The following CEP97 variants were observed in gnomAD, a reference collection of about 807,000 sequenced individuals.
CEP97 encodes the protein centrosomal protein of 97 kDa.
CEP97 carries 43 observed loss-of-function variants against 73.1 expected under a neutral mutation model. The ratio of observed to expected loss-of-function variants is 0.59; its 90% CI spans 0.46 to 0.76. The LOEUF is 0.76. Ranked by LOEUF, CEP97 falls within the 30% of genes least tolerant of loss-of-function variation. CEP97 has a pLI of 0.00. For missense variants in CEP97, 939 were observed against 1,014.0 expected, an observed-to-expected ratio of 0.93 and a Z score of 1.00; for synonymous variants, 337 against 370.0, an observed-to-expected ratio of 0.91 and a Z score of 1.02.
chr3:101,728,002 A>G (rs1184573189), intron 3 of CEP97, among the ~76,000 whole-genome samples: 1 of 152,208 alleles, frequency 6.6e-6, no homozygotes, highest in Non-Finnish European at 1.5e-5. Context: ...TTATTGAGCC[A>G]TTAATGTATC....
rs887776849 is a variant in CEP97, at chr3:101,769,288, C to T, written c.*3737C>T. 2.7e-5 allele frequency: 4 copies of T among 150,940 alleles called. No individual in the cohort carries two copies. Among genetic ancestry groups the T allele is most frequent in the Non-Finnish European group, 5.9e-5 (4 of 67,866 alleles). 9.4% of individuals were successfully genotyped at this position (150,940 alleles called of 1,614,324 possible). A position where few individuals can be genotyped will look rare whatever the true frequency, so the allele number is the denominator to read the frequency against. On this transcript the variant is annotated 3_prime_UTR_variant, in exon 11 of 11. Transcript: ENST00000341893. ...AAAAATAGAATGAATATGATCATTTCTCCATCATAAAGGAAAGAAGAGACT... is the reference window on the plus strand; with the variant it reads ...AAAAATAGAATGAATATGATCATTTTTCCATCATAAAGGAAAGAAGAGACT...
At chr3:101,733,364 C>G (rs550452638) in intron 6 of CEP97, among the ~76,000 whole-genome samples, 1 of 152,020 alleles carries the variant, frequency 6.6e-6, no homozygotes, top group South Asian at 2.1e-4. Context: ...ATTTTATTTT[C>G]TATTTTATCA....
chr3:101,748,096 C>T (rs1287383260), intron 6 of CEP97, among the ~76,000 whole-genome samples: 3 of 134,242 alleles, frequency 2.2e-5, no homozygotes, highest in African/African-American at 8.6e-5. Context: ...AGTGCCATTG[C>T]ACTCCAGCCT....
chr3:101,738,011 CAA>C (rs770745532), intron 6 of CEP97, among the ~76,000 whole-genome samples: 32 of 44,220 alleles, frequency 7.2e-4, no homozygotes, highest in East Asian at 2.6e-3. Context: ...AAATGGAAAG[CAA>C]AAAAAAAAAA....
intron 2 of CEP97, 53 bp downstream of exon 2, chr3:101,726,789 A>C: frequency 7.6e-7 from 1 of 1,318,278 alleles, no homozygotes; most frequent in Admixed American, 2.4e-5. Context: ...ATTATTAAAC[A>C]AAACAATAAA....
At chr3:101,744,541 C>T (rs930722988) in intron 6 of CEP97, among the ~76,000 whole-genome samples, 1 of 151,100 alleles carries the variant, frequency 6.6e-6, no homozygotes, top group African/African-American at 2.4e-5. Flanking sequence ...TGAGATTGCA[C>T]CATTGCACTC....
intron 6 of CEP97, among the ~76,000 whole-genome samples, chr3:101,737,513 A>G (rs1938314662): frequency 6.6e-6 from 1 of 152,206 alleles, no homozygotes; most frequent in African/African-American, 2.4e-5. Context: ...CCCACAAGCC[A>G]GAAGAGAGTG....
At chr3:101,761,208 G>T (rs114270295) in intron 9 of CEP97, among the ~76,000 whole-genome samples, 1 of 152,152 alleles carries the variant, frequency 6.6e-6, no homozygotes, top group African/African-American at 2.4e-5. Context: ...GTGAAGGCAG[G>T]GGGGAAGGAT....
rs1340593640 is a variant in CEP97, at chr3:101,765,504, G to C, written c.2551G>C (p.Glu851Gln). Reference protein sequence around the residue: ...LNAEVQGQQPECDSTFQLLHV... With the variant: ...LNAEVQGQQPQCDSTFQLLHV... ...TGCAGAAGTTCAGGGGCAGCAGCCA[G>C]AATGTGATTCTACATTTCAGCTATT... Residue 851 changes from glutamate (E) to glutamine (Q), a missense_variant, in exon 11 of 11, where the codon GAA becomes CAA. Transcript: ENST00000341893. 1.2e-6 allele frequency: 2 copies of C among 1,613,788 alleles called. No individual in the cohort carries two copies. Among genetic ancestry groups the C allele is most frequent in the African/African-American group, 2.7e-5 (2 of 74,928 alleles).
chr3:101,726,012 G>T (rs1442191343), intron 1 of CEP97, among the ~76,000 whole-genome samples: 2 of 152,146 alleles, frequency 1.3e-5, no homozygotes, highest in East Asian at 3.8e-4. Context: ...TGGTTAATTG[G>T]TGGAGCCAGG....
At chr3:101,726,769 G>C in intron 2 of CEP97, 33 bp downstream of exon 2, 1 of 1,472,496 alleles carries the variant, frequency 6.8e-7, no homozygotes, top group Non-Finnish European at 9.2e-7. Context: ...TGGTTACATA[G>C]GATCAATTTA....
chr3:101,764,375 G>T (rs1264318592), intron 10 of CEP97, among the ~76,000 whole-genome samples: 1 of 152,164 alleles, frequency 6.6e-6, no homozygotes, highest in Non-Finnish European at 1.5e-5. Context: ...ACTTTGGGAG[G>T]CCAAGGTGGG....
chr3:101,746,514 T>C (rs1273680320), intron 6 of CEP97, among the ~76,000 whole-genome samples: 3 of 150,424 alleles, frequency 2.0e-5, no homozygotes, highest in African/African-American at 7.4e-5. Flanking sequence ...TTACACCTTA[T>C]ACAAAAATCA....
rs532938109 is a variant in CEP97, at chr3:101,769,721, T to C, written c.*4170T>C. On this transcript the variant is annotated 3_prime_UTR_variant, in exon 11 of 11. Transcript: ENST00000341893. ...CCTTTAAAAGGTATTTATTGTGTCA[T>C]AATGTTTTAAATGTTAAATATATGA... 1 of 152,378 alleles carries C rather than the reference T, an allele frequency of 6.6e-6. No individual in the cohort carries two copies. The highest frequency in any genetic ancestry group is 6.5e-5 in the Admixed American group (1 of 15,308). 9.4% of individuals were successfully genotyped at this position (152,378 alleles called of 1,614,324 possible). A position where few individuals can be genotyped will look rare whatever the true frequency, so the allele number is the denominator to read the frequency against.
At chr3:101,736,567 A>C (rs1195712681) in intron 6 of CEP97, among the ~76,000 whole-genome samples, 1 of 152,226 alleles carries the variant, frequency 6.6e-6, no homozygotes, top group Admixed American at 6.5e-5. Flanking sequence ...CAGGTAGTGG[A>C]TGTCCAGCAA....
At position 101,755,530 on chromosome 3, in the gene CEP97, A is replaced by G; in HGVS notation, c.829A>G (p.Thr277Ala). 6.2e-7 allele frequency: 1 copy of G among 1,614,116 alleles called. No homozygotes were observed. Among genetic ancestry groups the G allele is most frequent in the Non-Finnish European group, 8.5e-7 (1 of 1,180,032 alleles). Residue 277 changes from threonine to alanine, a missense_variant, in exon 7 of 11, where the codon ACT becomes GCT. Transcript: ENST00000341893. ...ATATCTGGCTACAGTCTGCCCCCTCACTTCTACACTAGGTCTTCAAACTGC... is the reference window on the plus strand; with the variant it reads ...ATATCTGGCTACAGTCTGCCCCCTCGCTTCTACACTAGGTCTTCAAACTGC... ...VQYLATVCPL[T>A]STLGLQTAED...
At chr3:101,741,508 A>C (rs1371710618) in intron 6 of CEP97, among the ~76,000 whole-genome samples, 6 of 152,222 alleles carry the variant, frequency 3.9e-5, no homozygotes, top group Non-Finnish European at 5.9e-5. Context: ...AAATTTTTGC[A>C]ATCTATCCAT....
intron 4 of CEP97, among the ~76,000 whole-genome samples, chr3:101,730,413 A>C (rs983023891): frequency 9.9e-5 from 15 of 151,646 alleles, no homozygotes; most frequent in Non-Finnish European, 1.9e-4. Flanking sequence ...CTACAGGTGC[A>C]TGCCACCACG....
rs747127663 is a variant in CEP97, at chr3:101,765,423, A to AT, written c.2471dup (p.Ser825IlefsTer7). On this transcript the variant is annotated frameshift_variant, in exon 11 of 11. Coordinates refer to ENST00000341893, the MANE Select transcript of CEP97 (RefSeq NM_024548.4). LOFTEE classifies it high-confidence loss of function. Reference sequence around the variant, plus strand: ...TGCTTCTGTAGATGAGAGTCATGGCATATCTCCTCCTTTGCAAGGTGAAAT... The same window carrying AT: ...TGCTTCTGTAGATGAGAGTCATGGCATTATCTCCTCCTTTGCAAGGTGAAAT... 9.9e-6 allele frequency: 16 copies of AT among 1,614,076 alleles called. No individual in the cohort carries two copies. The highest frequency in any genetic ancestry group is 5.9e-6 in the Non-Finnish European group (7 of 1,180,036).
Sources: gnomAD v4.1 joint callset for allele counts (sites outside exome capture counted in the v4.1 genomes callset) on GRCh38, gnomAD v4.1.1 for gene constraint, MANE v1.5 for transcripts, NCBI Gene and HGNC (gene_info 2026-07-23, HGNC 2026-07-21) for gene names.